The following RNF19B variants were observed in gnomAD, a reference collection of about 807,000 sequenced individuals.
The protein encoded by RNF19B is E3 ubiquitin-protein ligase RNF19B.
A neutral mutation model predicts 65.5 loss-of-function variants in RNF19B; 23 were observed. The observed-to-expected ratio is 0.35, with a 90% CI of 0.25 to 0.50. The LOEUF is 0.50. Among genes scored for constraint, RNF19B ranks in the 20% least tolerant of loss-of-function variants. The pLI is 0.98. For missense variants in RNF19B, 794 were observed against 980.0 expected, an observed-to-expected ratio of 0.81 and a Z score of 2.53; for synonymous variants, 372 against 379.6, an observed-to-expected ratio of 0.98 and a Z score of 0.23.
Position 32,964,791 on chromosome 1 carries a change from C to G in RNF19B, c.-106G>C. ...GCCGCCGACGCCGCCACCACCGCCT[C>G]AACCGCCCTCCCGGCGATAGAAGCC... On this transcript the variant is annotated 5_prime_UTR_variant, in exon 1 of 9. Coordinates refer to ENST00000235150, the MANE Select transcript of RNF19B (RefSeq NM_001300826.2). The surrounding 1 kb of genome is among the most constrained non-coding windows in gnomAD (Gnocchi z 6.5). The G allele has an allele frequency of 9.3e-7, 1 of 1,080,146 alleles. No individual in the cohort carries two copies. 66.9% of individuals were successfully genotyped at this position (1,080,146 alleles called of 1,614,324 possible).
rs1570122276 is a variant in RNF19B at position 32,958,647 on chromosome 1, T to C, written c.635+5404A>G. Among the ~76,000 whole-genome samples the C allele has an allele frequency of 2.7e-5, 4 of 149,508 alleles. No individual in the cohort carries two copies. In the East Asian group the frequency reaches 7.9e-4, roughly 29 times the overall value. On this transcript the variant is annotated intron_variant, in intron 1 of 8. Transcript: ENST00000235150. ...AGGAGAATAGCATGAACCCGGGAGG[T>C]GGAGCTTGCAGTGAGCCGAGATTGC...
chr1:32,964,470 G>T lies in RNF19B; in HGVS notation c.216C>A (p.Ala72=). ...GCAGCGCCTCGGGCGGCGGGCCCTG[G>T]GCCGCGGCAGGGGCCGGGGCGGGCG... is the stretch of plus-strand genomic sequence containing the variant. The part of the protein sequence containing the change: ...QPPPAPAPAA[A]QGPPPEALPA... The change falls in exon 1 of 9, where the codon GCC becomes GCA. Residue 72 remains alanine, a synonymous_variant. Coordinates refer to ENST00000235150, the MANE Select transcript of RNF19B (RefSeq NM_001300826.2). This position sits in a 1 kb window ranked among gnomAD's most constrained non-coding sequence, Gnocchi z 6.5. The T allele has an allele frequency of 3.1e-6, 3 of 957,246 alleles. No homozygotes were observed. The highest frequency in any genetic ancestry group is 3.7e-6 in the Non-Finnish European group (3 of 807,766). 59.3% of individuals were successfully genotyped at this position (957,246 alleles called of 1,614,324 possible).
chr1:32,937,278 C>A lies in RNF19B; in HGVS notation c.1743-19G>T, dbSNP rs372127662. On this transcript the variant is annotated intron_variant, in intron 8 of 8. Transcript: ENST00000235150. Reference sequence around the variant, plus strand: ...GCATTCTCTGTGGAGACAAAATCCACTTTGCTGAGTCATGCATGGATCATG... The same window carrying A: ...GCATTCTCTGTGGAGACAAAATCCAATTTGCTGAGTCATGCATGGATCATG... The A allele has an allele frequency of 6.2e-7, 1 of 1,613,188 alleles. No individual in the cohort carries two copies.
chr1:32,933,201 T>C (rs968029926), downstream of RNF19B, among the ~76,000 whole-genome samples: 4 of 152,212 alleles, frequency 2.6e-5, no homozygotes, highest in Non-Finnish European at 4.4e-5. Flanking sequence ...TCAGAATGAA[T>C]GAAGGCTGTA....
chr1:32,944,139 G>T lies in RNF19B; in HGVS notation c.1282C>A (p.Leu428Met). ...GGCACAACCCCATAAACATATGCCA[G>T]CATAATGGGGACACCAATACCTGGG... ...VSVGIGVPIM[L>M]AYVYGVVPIS... is the part of the protein sequence containing the mutation. The change falls in exon 6 of 9, where the codon CTG becomes ATG. Residue 428 changes from leucine to methionine, a missense_variant. Leu to Met is a conservative substitution (Grantham distance 15, BLOSUM62 2). Coordinates refer to ENST00000235150, the MANE Select transcript of RNF19B (RefSeq NM_001300826.2). 6.2e-7 allele frequency: 1 copy of T among 1,612,768 alleles called. No individual in the cohort carries two copies. The highest frequency in any genetic ancestry group is 2.2e-5 in the East Asian group (1 of 44,852).
chr1:32,930,158 G>A, the RNF19B span, among the ~76,000 whole-genome samples: 1 of 152,194 alleles, frequency 6.6e-6, no homozygotes, highest in African/African-American at 2.4e-5. Context: ...CACCCAGGCT[G>A]GAGTGCAGTG....
intron 7 of RNF19B, among the ~76,000 whole-genome samples, chr1:32,940,685 T>C (rs1642211229): frequency 6.6e-6 from 1 of 152,172 alleles, no homozygotes; most frequent in Non-Finnish European, 1.5e-5. Flanking sequence ...CTCCTCTACC[T>C]TCCTATCCTG....
At chr1:32,937,363 TG>T in intron 8 of RNF19B, 104 bp from the exon 9 acceptor site, 1 of 1,555,000 alleles carries the variant, frequency 6.4e-7, no homozygotes, top group Non-Finnish European at 8.8e-7. Context: ...AAAAGATAGG[TG>T]AACAGTTAAC....
At chr1:32,937,401 A>G (rs1373133685) in intron 8 of RNF19B, 142 bp from the exon 9 acceptor site, 2 of 1,273,376 alleles carry the variant, frequency 1.6e-6, no homozygotes, top group African/African-American at 2.9e-5. Context: ...CAAAAATAAC[A>G]TTTTAATCTA....
chr1:32,942,303 CCT>C lies in RNF19B; in HGVS notation c.1557_1558del (p.Gly521HisfsTer15), dbSNP rs1290666237. 5.0e-6 allele frequency: 8 copies of C among 1,614,044 alleles called. No individual in the cohort carries two copies. Among genetic ancestry groups the C allele is most frequent in the Admixed American group, 1.7e-5 (1 of 60,014 alleles). On this transcript the variant is annotated frameshift_variant, in exon 7 of 9. Coordinates refer to ENST00000235150, the MANE Select transcript of RNF19B (RefSeq NM_001300826.2). LOFTEE classifies it high-confidence loss of function. ...GAGAATGCCGCCACTCAGCGTGCCC[CCT>C]GAGAGGGCTGCAAAGCTGGCCGTTT...
intron 1 of RNF19B, among the ~76,000 whole-genome samples, chr1:32,962,493 T>G (rs542293647): frequency 6.6e-6 from 1 of 152,134 alleles, no homozygotes; most frequent in Admixed American, 6.5e-5. Context: ...CCCATCTCAG[T>G]GAGGTTAAAT....
intron 3 of RNF19B, among the ~76,000 whole-genome samples, chr1:32,947,027 A>T (rs149210611): frequency 2.7e-3 from 413 of 152,292 alleles, no homozygotes; most frequent in Middle Eastern, 0.017. Flanking sequence ...ATATAAAAAG[A>T]CCTCATCATA....
intron 1 of RNF19B, 54 bp from the exon 2 acceptor site, chr1:32,949,828 A>C (rs943716567): frequency 1.5e-5 from 21 of 1,380,148 alleles, no homozygotes; most frequent in Non-Finnish European, 2.1e-5. Flanking sequence ...TCTAACCAAA[A>C]GAGACATTAT....
rs952220292 is a variant in RNF19B at position 32,964,778 on chromosome 1, G to T, written c.-93C>A. 1 of 1,162,200 alleles carries T rather than the reference G, an allele frequency of 8.6e-7. No homozygotes were observed. The highest frequency in any genetic ancestry group is 3.6e-5 in the East Asian group (1 of 27,724). The allele number at this position is 1,162,200 out of a possible 1,614,324, so 72.0% of individuals were successfully genotyped here. On this transcript the variant is annotated 5_prime_UTR_variant, in exon 1 of 9. Transcript: ENST00000235150. The surrounding 1 kb of genome is among the most constrained non-coding windows in gnomAD (Gnocchi z 6.5). ...CCAGCGCCCGGCCGCCGCCGACGCC[G>T]CCACCACCGCCTCAACCGCCCTCCC...
chr1:32,939,953 A>G (rs970634560), intron 7 of RNF19B, among the ~76,000 whole-genome samples: 2 of 152,194 alleles, frequency 1.3e-5, no homozygotes, highest in African/African-American at 4.8e-5. Context: ...GGATCCCCTG[A>G]TAAGAGACAA....
At chr1:32,948,546 A>G (rs1642420445) in intron 2 of RNF19B, among the ~76,000 whole-genome samples, 183 bp from the exon 3 acceptor site, 1 of 152,212 alleles carries the variant, frequency 6.6e-6, no homozygotes, top group Admixed American at 6.5e-5. Context: ...AGGAATTTTC[A>G]TAAAATGAAT....
At position 32,936,886 on chromosome 1, in the gene RNF19B, G is replaced by A. The variant is rs749811909; in HGVS notation, c.2116C>T (p.Pro706Ser). Reference sequence around the variant, plus strand: ...GCAGAGAGGTTCATATGGGCACTTGGGCTCGGTGCACCTTGGGCTCTGGGG... The same window carrying A: ...GCAGAGAGGTTCATATGGGCACTTGAGCTCGGTGCACCTTGGGCTCTGGGG... ...STPRAQGAPS[P>S]SAHMNLSALA... is the part of the protein sequence containing the mutation. Residue 706 changes from proline to serine, a missense_variant, in exon 9 of 9, where the codon CCA becomes TCA. Coordinates refer to ENST00000235150, the MANE Select transcript of RNF19B (RefSeq NM_001300826.2). The A allele has an allele frequency of 6.2e-7, 1 of 1,613,546 alleles. No homozygotes were observed. Among genetic ancestry groups the A allele is most frequent in the South Asian group, 1.1e-5 (1 of 91,022 alleles).
At chr1:32,951,039 A>G (rs1206708554) in intron 1 of RNF19B, among the ~76,000 whole-genome samples, 1 of 151,896 alleles carries the variant, frequency 6.6e-6, no homozygotes, top group Non-Finnish European at 1.5e-5. Flanking sequence ...GGGTTTCACC[A>G]TGTTGGCCAG....
chr1:32,942,157 A>G (rs2124120931), intron 7 of RNF19B, 95 bp downstream of exon 7: 1 of 977,924 alleles, frequency 1.0e-6, no homozygotes, highest in African/African-American at 1.6e-5. Context: ...TCAAAATAAG[A>G]TGATACGTGG....
Sources: gnomAD v4.1 joint callset for allele counts (sites outside exome capture counted in the v4.1 genomes callset) on GRCh38, gnomAD v4.1.1 for gene constraint, Gnocchi (gnomAD v3.1) non-coding constraint, MANE v1.5 for transcripts, NCBI Gene and HGNC (gene_info 2026-07-23, HGNC 2026-07-21) for gene names.